Variants in OTOGL observed in about 807,000 individuals in gnomAD.
The protein encoded by OTOGL is otogelin like, also known as otogelin-like protein.
Under a neutral mutation model 318.5 loss-of-function variants are expected in OTOGL, and 285 were observed. The observed-to-expected ratio is 0.89, with a 90% confidence interval of 0.81 to 0.99. The LOEUF (loss-of-function observed/expected upper bound fraction) is 0.99. OTOGL is among the 50% of genes least tolerant of loss of function. The probability of loss-of-function intolerance (pLI) is 0.00; values close to 1 mark genes in which losing one functional copy is unlikely to be tolerated. For synonymous variants in OTOGL, 987 were observed against 936.5 expected (o/e 1.05, Z -0.99); for missense variants, 2,899 against 2,845.6 (o/e 1.02, Z -0.43).
intron 6 of OTOGL, 121 bp downstream of exon 6, chr12:80,220,033 A>G: frequency 1.4e-6 from 1 of 722,696 alleles, no homozygotes; most frequent in Non-Finnish European, 2.2e-6. Flanking sequence ...CCCACAATTC[A>G]TTCTCAGTAA....
At chr12:80,147,129 T>C (rs1872436585) in intron 1 of OTOGL, among the ~76,000 whole-genome samples, 1 of 152,104 alleles carries the variant, frequency 6.6e-6, no homozygotes, top group Non-Finnish European at 1.5e-5. Flanking sequence ...CTTTTCTAGT[T>C]GTTTTAATTG....
chr12:80,117,502 A>C (rs529190969), intron 1 of OTOGL, among the ~76,000 whole-genome samples: 31 of 152,236 alleles, frequency 2.0e-4, no homozygotes, highest in African/African-American at 6.7e-4. Context: ...TCCCATTACC[A>C]TCACGTTAAC....
chr12:80,375,789 C>T (rs900251360), intron 57 of OTOGL, among the ~76,000 whole-genome samples: 5 of 151,920 alleles, frequency 3.3e-5, no homozygotes, highest in Non-Finnish European at 5.9e-5. Flanking sequence ...CTTGAACTTA[C>T]GTAAGAATGG....
At chr12:80,140,896 T>A (rs1021720027) in intron 1 of OTOGL, among the ~76,000 whole-genome samples, 1 of 152,186 alleles carries the variant, frequency 6.6e-6, no homozygotes, top group African/African-American at 2.4e-5. Context: ...AGTGATTTTT[T>A]CCCACATTTA....
At chr12:80,373,827 C>T (rs576602152) in intron 57 of OTOGL, among the ~76,000 whole-genome samples, 2 of 152,192 alleles carry the variant, frequency 1.3e-5, no homozygotes, top group East Asian at 3.9e-4. Context: ...CTGCGGGTCT[C>T]ATTTCCCGTC....
rs375954646 is a variant in OTOGL at position 80,272,835 on chromosome 12, C to T, written c.2681+1025C>T. On this transcript the variant is annotated intron_variant, in intron 24 of 58. Coordinates refer to ENST00000547103, the MANE Select transcript of OTOGL (RefSeq NM_001378609.3). Reference sequence around the variant, plus strand: ...ACATAGGAGGCAGAGACAAGAAGGTCACAAAAGAACAAGTGCCTGTGGCTG... The same window carrying T: ...ACATAGGAGGCAGAGACAAGAAGGTTACAAAAGAACAAGTGCCTGTGGCTG... 1.1e-4 allele frequency among the ~76,000 whole-genome samples: 16 copies of T among 151,984 alleles called. No individual in the cohort carries two copies. In the South Asian group the frequency reaches 3.3e-3, roughly 32 times the overall value.
chr12:80,282,915 G>T (rs1401828508), intron 26 of OTOGL, among the ~76,000 whole-genome samples: 2 of 151,902 alleles, frequency 1.3e-5, no homozygotes, highest in African/African-American at 4.8e-5. Flanking sequence ...CCCACTCAGA[G>T]ATGACTGATT....
chr12:80,279,697 G>A lies in OTOGL; in HGVS notation c.2928+531G>A, dbSNP rs1375876834. Among the ~76,000 whole-genome samples, 5 of 151,788 alleles carry A rather than the reference G, an allele frequency of 3.3e-5. No homozygotes were observed. The East Asian group carries it at 9.7e-4, about 29-fold the overall frequency. ...TCTTTATCCTTTCCACTGTTGATGG[G>A]CATTTAGGTTGATTCCATGTCTTTG... is the stretch of plus-strand genomic sequence containing the variant. On this transcript the variant is annotated intron_variant, in intron 26 of 58. Coordinates refer to ENST00000547103, the MANE Select transcript of OTOGL (RefSeq NM_001378609.3).
Position 80,358,901 on chromosome 12 carries a change from G to T in OTOGL, c.6267+1G>T, listed in dbSNP as rs1476896214. 3 of 1,485,420 alleles carry T rather than the reference G, an allele frequency of 2.0e-6. No individual in the cohort carries two copies. Among genetic ancestry groups the T allele is most frequent in the Non-Finnish European group, 1.8e-6 (2 of 1,103,848 alleles). 92.0% of individuals were successfully genotyped at this position (1,485,420 alleles called of 1,614,324 possible). ...CCTTATTATGCCAACTTGTGAAGTG[G>T]TAAGAACACATATTTTGATTGACTT... On this transcript the variant is annotated splice_donor_variant, in intron 52 of 58. Coordinates refer to ENST00000547103, the MANE Select transcript of OTOGL (RefSeq NM_001378609.3). LOFTEE classifies it high-confidence loss of function.
intron 26 of OTOGL, among the ~76,000 whole-genome samples, chr12:80,279,412 AATAG>A (rs1884051625): frequency 6.6e-6 from 1 of 151,374 alleles, no homozygotes; most frequent in Non-Finnish European, 1.5e-5. Flanking sequence ...CATAGTACCC[AATAG>A]ATAGTTTTTT....
chr12:80,323,420 G>A (rs1475377785), intron 34 of OTOGL, among the ~76,000 whole-genome samples: 1 of 152,080 alleles, frequency 6.6e-6, no homozygotes, highest in African/African-American at 2.4e-5. Context: ...AGACTAAAGC[G>A]GGTGGATCAC....
chr12:80,257,985 C>T lies in OTOGL; in HGVS notation c.1872C>T (p.Asn624=). 1 of 1,583,308 alleles carries T rather than the reference C, an allele frequency of 6.3e-7. No individual in the cohort carries two copies. Among genetic ancestry groups the T allele is most frequent in the Middle Eastern group, 1.7e-4 (1 of 5,942 alleles). The stretch of plus-strand genomic sequence containing the variant: ...GTCTGTGTGGCACTTTTAATGGCAA[C>T]ATAAGGGATGATTTTCTGTAAGTAT... ...TLGLCGTFNG[N]IRDDFLSPSG... is the part of the protein sequence containing the mutation. Residue 624 remains asparagine (N), a synonymous_variant, in exon 18 of 59, where the codon AAC becomes AAT. Coordinates refer to ENST00000547103, the MANE Select transcript of OTOGL (RefSeq NM_001378609.3).
intron 19 of OTOGL, 128 bp downstream of exon 19, chr12:80,262,221 C>T: frequency 1.0e-6 from 1 of 987,992 alleles, no homozygotes; most frequent in Admixed American, 3.7e-5. Context: ...CAATGCCATT[C>T]CTCGTGTATT....
chr12:80,244,933 T>C (rs1305350878), intron 11 of OTOGL, among the ~76,000 whole-genome samples: 2 of 148,404 alleles, frequency 1.3e-5, no homozygotes, highest in Non-Finnish European at 2.9e-5. Flanking sequence ...ATGAGCATTT[T>C]TTCATGTGTT....
Position 80,209,438 on chromosome 12 carries a change from A to C in OTOGL, c.7A>C (p.Ile3Leu). The C allele has an allele frequency of 1.3e-6, 2 of 1,500,662 alleles. No individual in the cohort carries two copies. The highest frequency in any genetic ancestry group is 1.8e-6 in the Non-Finnish European group (2 of 1,124,606). 93.0% of individuals were successfully genotyped at this position (1,500,662 alleles called of 1,614,324 possible). A position where few individuals can be genotyped will look rare whatever the true frequency, so the allele number is the denominator to read the frequency against. Reference sequence around the variant, plus strand: ...GGGGAAAGGCTACACTGAAATGAACATTGTAAGAAAACTCAATTTAATGAT... The same window carrying C: ...GGGGAAAGGCTACACTGAAATGAACCTTGTAAGAAAACTCAATTTAATGAT... The part of the protein sequence containing the change: MN[I>L]VRKLNLMIPW... The change falls in exon 2 of 59, where the codon ATT becomes CTT. Residue 3 changes from isoleucine to leucine, a missense_variant. By Grantham distance (5) the Ile-to-Leu change is conservative. Coordinates refer to ENST00000547103, the MANE Select transcript of OTOGL (RefSeq NM_001378609.3).
chr12:80,165,197 G>A (rs983641724), intron 1 of OTOGL, among the ~76,000 whole-genome samples: 7 of 152,064 alleles, frequency 4.6e-5, no homozygotes, highest in African/African-American at 1.7e-4. Context: ...TCTTCTCCTA[G>A]GATTCTTTAG....
intron 11 of OTOGL, among the ~76,000 whole-genome samples, chr12:80,250,811 T>C (rs1191610870): frequency 6.6e-6 from 1 of 152,136 alleles, no homozygotes; most frequent in Non-Finnish European, 1.5e-5. Context: ...CAATTTTGAG[T>C]TTGGATTAGG....
intron 32 of OTOGL, 136 bp downstream of exon 32, chr12:80,314,467 AT>A: frequency 3.3e-6 from 1 of 302,134 alleles, no homozygotes; most frequent in Non-Finnish European, 6.1e-6. Flanking sequence ...AAAGCTTTTA[AT>A]TTTTAAAATT....
rs73357000 is a variant in OTOGL, at chr12:80,222,863, T to G, written c.489+618T>G. 6.0e-3 allele frequency among the ~76,000 whole-genome samples: 917 copies of G among 152,282 alleles called. 12 individuals are homozygous for G. The highest frequency in any genetic ancestry group is 0.02 in the African/African-American group (849 of 41,558). On this transcript the variant is annotated intron_variant, in intron 7 of 58. Coordinates refer to ENST00000547103, the MANE Select transcript of OTOGL (RefSeq NM_001378609.3). ...TACGTTGGGGCTGCCTACATTCTCC[T>G]CCTTTCTAAGGTGATGCAAATATTA...
Sources: gnomAD v4.1 joint callset for allele counts (sites outside exome capture counted in the v4.1 genomes callset) on GRCh38, gnomAD v4.1.1 for gene constraint, MANE v1.5 for transcripts, NCBI Gene and HGNC (gene_info 2026-07-23, HGNC 2026-07-21) for gene names.